The following NBEA variants were observed in gnomAD, a reference collection of about 807,000 sequenced individuals.
NBEA encodes lysosomal-trafficking regulator 2.
A neutral mutation model predicts 343.4 loss-of-function variants in NBEA; 44 were observed. The observed-to-expected ratio is 0.13, with a 90% CI of 0.10 to 0.16. NBEA has a LOEUF of 0.16. Ranked by LOEUF, NBEA falls within the 10% of genes least tolerant of loss-of-function variation. The pLI is 1.00. For missense variants in NBEA, 2,555 were observed against 3,631.3 expected (o/e 0.70, Z 7.62); for synonymous variants, 1,175 against 1,238.7 (o/e 0.95, Z 1.08).
intron 1 of NBEA, among the ~76,000 whole-genome samples, chr13:34,985,921 T>C (rs2060528057): frequency 6.6e-6 from 1 of 150,828 alleles, no homozygotes; most frequent in Non-Finnish European, 1.5e-5. Context: ...TTGATTCTCC[T>C]CTCTTTTCTT....
At chr13:35,092,484 G>A (rs1417878823) in intron 10 of NBEA, among the ~76,000 whole-genome samples, 1 of 151,990 alleles carries the variant, frequency 6.6e-6, no homozygotes, top group Non-Finnish European at 1.5e-5. Flanking sequence ...AAGGATTTAT[G>A]TCAAGAATAA....
At chr13:35,298,032 C>G (rs1031565892) in intron 35 of NBEA, among the ~76,000 whole-genome samples, 2 of 151,468 alleles carry the variant, frequency 1.3e-5, no homozygotes, top group Admixed American at 1.3e-4. Flanking sequence ...TAGCTCAGTA[C>G]TAGTGACCAG....
chr13:35,245,692 A>T (rs1202751337), intron 34 of NBEA, among the ~76,000 whole-genome samples: 1 of 152,138 alleles, frequency 6.6e-6, no homozygotes, highest in Non-Finnish European at 1.5e-5. Context: ...AGGTTACCTG[A>T]TGCTTTTGCC....
In NBEA at chr13:35,118,282, A is replaced by G. The variant is rs1237655451; in HGVS notation, c.2137A>G (p.Met713Val). 5 of 1,567,048 alleles carry G rather than the reference A, an allele frequency of 3.2e-6. No homozygotes were observed. Among genetic ancestry groups the G allele is most frequent in the Admixed American group, 1.8e-5 (1 of 54,262 alleles). ...GAGTATATTAAATTACCTACTTACG[A>G]TGCATGAGGTAGGACATGTTATGGG... is the stretch of plus-strand genomic sequence containing the variant. ...LQSILNYLLTMHEDENIHDVL... is the reference protein window; with the variant it reads ...LQSILNYLLTVHEDENIHDVL... Residue 713 changes from methionine (M) to valine (V), a missense_variant, in exon 15 of 59, where the codon ATG (methionine) becomes GTG (valine). This residue lies in a region of NBEA where 360 missense variants were observed against 519.1 expected (regional missense o/e 0.69). Coordinates refer to ENST00000379939, the MANE Select transcript of NBEA (RefSeq NM_001385012.1).
At chr13:35,210,738 C>T (rs141542864) in intron 32 of NBEA, among the ~76,000 whole-genome samples, 46 of 152,102 alleles carry the variant, frequency 3.0e-4, no homozygotes, top group African/African-American at 1.0e-3. Context: ...AGTTTTTCAC[C>T]CCTAAGTTTG....
intron 38 of NBEA, among the ~76,000 whole-genome samples, chr13:35,413,687 T>C (rs1186601294): frequency 6.6e-6 from 1 of 152,186 alleles, no homozygotes; most frequent in East Asian, 1.9e-4. Context: ...TTAATTATCA[T>C]AATACAACCT....
intron 41 of NBEA, among the ~76,000 whole-genome samples, chr13:35,547,195 A>T (rs555162704): frequency 2.1e-4 from 32 of 152,330 alleles, no homozygotes; most frequent in African/African-American, 7.5e-4. Context: ...CCCCTTTGGT[A>T]AGGGCTGAAC....
Position 35,520,430 on chromosome 13 carries a change from G to A in NBEA, c.6586-30047G>A, listed in dbSNP as rs150751107. On this transcript the variant is annotated intron_variant, in intron 41 of 58. Transcript: ENST00000379939. ...CAACCATGTCTCTTCCTATACCAGCGAGATTCTAACATTTCCTCTCATTAG... is the reference window on the plus strand; with the variant it reads ...CAACCATGTCTCTTCCTATACCAGCAAGATTCTAACATTTCCTCTCATTAG... 2.1e-3 allele frequency among the ~76,000 whole-genome samples: 318 copies of A among 152,252 alleles called. 1 individual carries two copies. Among genetic ancestry groups the A allele is most frequent in the African/African-American group, 7.4e-3 (307 of 41,536 alleles).
chr13:35,455,706 T>C (rs1436507722), intron 40 of NBEA, among the ~76,000 whole-genome samples: 4 of 152,104 alleles, frequency 2.6e-5, no homozygotes, highest in Non-Finnish European at 5.9e-5. Flanking sequence ...TTCAGACAGC[T>C]TTGTGTGCAG....
At chr13:35,292,043 A>G (rs2035835041) in intron 35 of NBEA, among the ~76,000 whole-genome samples, 1 of 152,008 alleles carries the variant, frequency 6.6e-6, no homozygotes, top group Non-Finnish European at 1.5e-5. Context: ...CTTATTCTTT[A>G]AAATAGCTCC....
chr13:35,524,158 A>G (rs915524414), intron 41 of NBEA, among the ~76,000 whole-genome samples: 1 of 152,204 alleles, frequency 6.6e-6, no homozygotes, highest in Non-Finnish European at 1.5e-5. Context: ...GTAAAGCCTC[A>G]CATTGCTCCC....
intron 10 of NBEA, among the ~76,000 whole-genome samples, chr13:35,091,149 G>C (rs1364724685): frequency 6.6e-6 from 1 of 151,942 alleles, no homozygotes; most frequent in Non-Finnish European, 1.5e-5. Flanking sequence ...GCTTTTCTTT[G>C]ATCAGTGGAG....
At chr13:35,412,229 C>A (rs2043630466) in intron 38 of NBEA, among the ~76,000 whole-genome samples, 1 of 152,002 alleles carries the variant, frequency 6.6e-6, no homozygotes, top group African/African-American at 2.4e-5. Context: ...ATGCACAAAC[C>A]CACAGCATTG....
chr13:35,670,598 C>T (rs1016829283), intron 58 of NBEA, among the ~76,000 whole-genome samples: 6 of 152,316 alleles, frequency 3.9e-5, no homozygotes, highest in African/African-American at 9.6e-5. Context: ...CGGACAGGCA[C>T]GTGTGTGATT....
chr13:35,147,388 G>T (rs535367964), intron 18 of NBEA, among the ~76,000 whole-genome samples: 5 of 152,296 alleles, frequency 3.3e-5, no homozygotes, highest in African/African-American at 1.2e-4. Context: ...AAAATCAAAG[G>T]TACATGCACC....
chr13:35,173,482 G>C lies in NBEA; in HGVS notation c.4442G>C (p.Arg1481Thr). 6.2e-7 allele frequency: 1 copy of C among 1,608,054 alleles called. No individual in the cohort carries two copies. The highest frequency in any genetic ancestry group is 8.5e-7 in the Non-Finnish European group (1 of 1,176,404). Residue 1481 changes from arginine (R) to threonine (T), a missense_variant, in exon 27 of 59, where the codon AGA becomes ACA. Coordinates refer to ENST00000379939, the MANE Select transcript of NBEA (RefSeq NM_001385012.1). ...TAAATAGTTTGTTGTGTTGCTGTGA[G>C]AAACTGTTTAGAATGTCGGCAAAGA... The part of the protein sequence containing the change: ...CLRLVCCVAV[R>T]NCLECRQRQR...
At chr13:35,523,437 C>T (rs978380469) in intron 41 of NBEA, among the ~76,000 whole-genome samples, 2 of 152,094 alleles carry the variant, frequency 1.3e-5, no homozygotes, top group Non-Finnish European at 2.9e-5. Flanking sequence ...ATTGTGTTTC[C>T]TGTGAGACAT....
At chr13:35,582,639 T>A (rs1338245721) in intron 45 of NBEA, among the ~76,000 whole-genome samples, 1 of 152,192 alleles carries the variant, frequency 6.6e-6, no homozygotes, top group Non-Finnish European at 1.5e-5. Flanking sequence ...AGCTTTTATA[T>A]AAATTGTTGA....
intron 36 of NBEA, among the ~76,000 whole-genome samples, chr13:35,342,957 C>T (rs2039670443): frequency 6.6e-6 from 1 of 151,782 alleles, no homozygotes; most frequent in Admixed American, 6.6e-5. Flanking sequence ...CTATGATTTC[C>T]AATTAAAAAC....
Sources: allele counts gnomAD v4.1 joint callset (sites outside exome capture counted in the v4.1 genomes callset), GRCh38; gene constraint gnomAD v4.1.1; regional missense constraint gnomAD v4.1.1; transcripts MANE v1.5; gene names NCBI Gene and HGNC (gene_info 2026-07-23, HGNC 2026-07-21).